CACNA1C: variants seen among roughly 807,000 people sequenced by gnomAD.
The protein encoded by CACNA1C is voltage-dependent L-type calcium channel subunit alpha-1C.
A neutral mutation model predicts 229.0 loss-of-function variants in CACNA1C; 30 were observed. The observed-to-expected ratio is 0.13, with a 90% confidence interval of 0.10 to 0.18. CACNA1C has a LOEUF of 0.18. Among genes scored for constraint, CACNA1C ranks in the 10% least tolerant of loss-of-function variants. The probability of loss-of-function intolerance (pLI) is 1.00; values close to 1 mark genes in which losing one functional copy is unlikely to be tolerated. For synonymous variants in CACNA1C, 1,114 were observed against 1,132.5 expected (o/e 0.98, Z 0.33); for missense variants, 1,658 against 2,845.0 (o/e 0.58, Z 9.49).
intron 9 of CACNA1C, among the ~76,000 whole-genome samples, chr12:2,542,318 G>A (rs1031008183): frequency 6.6e-6 from 1 of 152,220 alleles, no homozygotes; most frequent in Admixed American, 6.5e-5. Context: ...TTCACACGCT[G>A]ACACAGCCTG....
At chr12:2,372,453 T>C (rs1381409004) in intron 3 of CACNA1C, among the ~76,000 whole-genome samples, 1 of 152,200 alleles carries the variant, frequency 6.6e-6, no homozygotes, top group East Asian at 1.9e-4. Context: ...TTGCACCTTA[T>C]GACACAGGCA....
intron 10 of CACNA1C, among the ~76,000 whole-genome samples, chr12:2,552,435 C>T (rs2041827122): frequency 6.6e-6 from 1 of 152,154 alleles, no homozygotes. Context: ...ATTAAAATTC[C>T]AGCTGAGAAC....
chr12:2,474,702 G>T lies in CACNA1C; in HGVS notation c.758-11402G>T, dbSNP rs193291521. Among the ~76,000 whole-genome samples, 415 of 149,888 alleles carry T rather than the reference G, an allele frequency of 2.8e-3. 1 individual carries two copies. The highest frequency in any genetic ancestry group is 4.8e-3 in the Non-Finnish European group (323 of 67,748). On this transcript the variant is annotated intron_variant, in intron 5 of 46. Coordinates refer to ENST00000399655, the MANE Select transcript of CACNA1C (RefSeq NM_000719.7). ...ACCTGGGAGGCGCAGGTTGCAGTGA[G>T]CTGAGATCACGCCATTGCGCTCCAG... is the stretch of plus-strand genomic sequence containing the variant.
chr12:2,397,646 T>A (rs1362232181), intron 3 of CACNA1C, among the ~76,000 whole-genome samples: 1 of 152,156 alleles, frequency 6.6e-6, no homozygotes, highest in Admixed American at 6.5e-5. Flanking sequence ...AGAGGCCCAA[T>A]ACACTCAATG....
chr12:2,640,474 T>C (rs2093539293), intron 30 of CACNA1C, among the ~76,000 whole-genome samples: 1 of 152,138 alleles, frequency 6.6e-6, no homozygotes, highest in African/African-American at 2.4e-5. Flanking sequence ...TCAGACAGAA[T>C]GCAGGCTACA....
intron 3 of CACNA1C, among the ~76,000 whole-genome samples, chr12:2,192,132 G>A (rs968097908): frequency 6.6e-6 from 1 of 152,028 alleles, no homozygotes; most frequent in Non-Finnish European, 1.5e-5. Flanking sequence ...TCCCTCTCAC[G>A]GTTTTTGGTT....
intron 3 of CACNA1C, among the ~76,000 whole-genome samples, chr12:2,219,557 G>A (rs1385193896): frequency 1.3e-5 from 2 of 152,280 alleles, no homozygotes; most frequent in Admixed American, 6.5e-5. Context: ...CACTCTTTCG[G>A]GCTGTAAGTA....
chr12:2,690,817 C>A, intron 46 of CACNA1C, 83 bp from the exon 47 acceptor site: 1 of 1,363,496 alleles, frequency 7.3e-7, no homozygotes, highest in Non-Finnish European at 9.8e-7. Flanking sequence ...CAGATACCCC[C>A]TCGCTCTAGC....
intron 1 of CACNA1C, among the ~76,000 whole-genome samples, chr12:2,106,358 G>C (rs71454860): frequency 0.013 from 283 of 22,196 alleles, no homozygotes; most frequent in Middle Eastern, 0.029. Context: ...GCTGGGCATC[G>C]TGAAGCCACT....
chr12:2,052,052 C>T (rs1211928820), upstream of CACNA1C, among the ~76,000 whole-genome samples: 1 of 152,140 alleles, frequency 6.6e-6, no homozygotes, highest in Non-Finnish European at 1.5e-5. Flanking sequence ...GAGGGGAGCC[C>T]GGTCCTGCAG....
At chr12:2,432,930 A>C (rs1358081338) in intron 3 of CACNA1C, among the ~76,000 whole-genome samples, 3 of 152,114 alleles carry the variant, frequency 2.0e-5, no homozygotes, top group Non-Finnish European at 4.4e-5. Context: ...AGGGCAAACA[A>C]AGCAGACACT....
chr12:2,094,324 C>T (rs2154083593), intron 1 of CACNA1C, among the ~76,000 whole-genome samples: 1 of 152,208 alleles, frequency 6.6e-6, no homozygotes, highest in East Asian at 1.9e-4. Flanking sequence ...GTGGTCCTAG[C>T]CCATTAGCCA....
chr12:2,155,990 G>A (rs548770756), intron 3 of CACNA1C, among the ~76,000 whole-genome samples: 2 of 151,994 alleles, frequency 1.3e-5, no homozygotes, highest in East Asian at 3.9e-4. Context: ...GAGTAAAGAC[G>A]CAAATAAAAA....
chr12:2,036,404 G>A (rs1178102463), intron 1 of CACNA1C, among the ~76,000 whole-genome samples: 1 of 152,128 alleles, frequency 6.6e-6, no homozygotes, highest in African/African-American at 2.4e-5. Flanking sequence ...TCTAGCTCTG[G>A]AGAGCTCAGA....
intron 30 of CACNA1C, among the ~76,000 whole-genome samples, chr12:2,635,791 GGTGT>G (rs1170440794): frequency 6.6e-6 from 1 of 152,010 alleles, no homozygotes; most frequent in African/African-American, 2.4e-5. Context: ...GTCTTTGTCC[GGTGT>G]GTGTGTATGT....
chr12:2,513,362 C>T (rs2099789123), intron 9 of CACNA1C, among the ~76,000 whole-genome samples: 1 of 152,230 alleles, frequency 6.6e-6, no homozygotes, highest in Non-Finnish European at 1.5e-5. Flanking sequence ...GTGTGCCAAG[C>T]AGCTGCCTGG....
intron 3 of CACNA1C, among the ~76,000 whole-genome samples, chr12:2,279,184 T>C (rs1204574183): frequency 6.6e-6 from 1 of 152,228 alleles, no homozygotes; most frequent in Admixed American, 6.5e-5. Flanking sequence ...TATCTCAGTC[T>C]GTGTCATCTT....
chr12:2,244,603 C>T (rs994460966), intron 3 of CACNA1C, among the ~76,000 whole-genome samples: 8 of 152,178 alleles, frequency 5.3e-5, no homozygotes, highest in African/African-American at 1.2e-4. Context: ...AGAAGTCTGC[C>T]GTGTAGGGCA....
chr12:2,267,980 G>GT (rs1302925492), intron 3 of CACNA1C, among the ~76,000 whole-genome samples: 11 of 152,132 alleles, frequency 7.2e-5, no homozygotes, highest in South Asian at 2.1e-4. Context: ...TAAAAAACAG[G>GT]TTTTTTTGTG....
Sources: allele counts gnomAD v4.1 joint callset (sites outside exome capture counted in the v4.1 genomes callset), GRCh38; gene constraint gnomAD v4.1.1; transcripts MANE v1.5; gene names NCBI Gene and HGNC (gene_info 2026-07-23, HGNC 2026-07-21).